Variants in MARCHF2 observed in about 807,000 individuals in gnomAD.
The protein encoded by MARCHF2 is membrane associated ring-CH-type finger 2, also known as E3 ubiquitin-protein ligase MARCHF2.
MARCHF2 carries 22 observed loss-of-function variants against 24.0 expected under a neutral mutation model. The ratio of observed to expected loss-of-function variants is 0.92; its 90% CI spans 0.66 to 1.31. MARCHF2 has a LOEUF of 1.31. Among genes scored for constraint, MARCHF2 ranks in the 50% most tolerant of loss-of-function variants. The pLI is 0.00. For synonymous variants in MARCHF2, 154 were observed against 153.0 expected (o/e 1.01, Z -0.05); for missense variants, 301 against 335.3 (o/e 0.90, Z 0.80).
At chr19:8,419,842 TAAAAATAAAAAATAA>T (rs1316507494) in intron 1 of MARCHF2, among the ~76,000 whole-genome samples, 2 of 133,884 alleles carry the variant, frequency 1.5e-5, no homozygotes, top group African/African-American at 5.8e-5. Flanking sequence ...AATAAATAAA[TAAAAATAAAAAATAA>T]AAATAAAAAT....
chr19:8,435,502 A>G (rs1967691755), intron 4 of MARCHF2, among the ~76,000 whole-genome samples: 1 of 151,958 alleles, frequency 6.6e-6, no homozygotes, highest in African/African-American at 2.4e-5. Context: ...AACCTTCATT[A>G]TCCCTTTAAA....
intron 2 of MARCHF2, 92 bp downstream of exon 2, chr19:8,422,108 C>T (rs1776715224): frequency 1.0e-5 from 14 of 1,393,958 alleles, no homozygotes; most frequent in South Asian, 5.8e-5. Flanking sequence ...GAAGTCCAAC[C>T]GTTGACAGAG....
At chr19:8,431,736 G>A (rs529592388) in intron 4 of MARCHF2, among the ~76,000 whole-genome samples, 2 of 152,124 alleles carry the variant, frequency 1.3e-5, no homozygotes, top group East Asian at 1.9e-4. Context: ...TACTCGGGAG[G>A]CTGAGGCAGG....
At chr19:8,421,766 C>T in intron 1 of MARCHF2, 23 bp from the exon 2 acceptor site, 1 of 1,420,332 alleles carries the variant, frequency 7.0e-7, no homozygotes, top group Non-Finnish European at 9.5e-7. Flanking sequence ...TTGCCCCTAA[C>T]CTCCGCACTG....
In MARCHF2 at chr19:8,415,741, AAAC is replaced by A. The variant is rs1208949494; in HGVS notation, c.-53+2324_-53+2326del. On this transcript the variant is annotated intron_variant, in intron 1 of 4. Transcript: ENST00000215555. The stretch of plus-strand genomic sequence containing the variant: ...CATCTCAAAAAAAAAAAAACAAAAA[AAAC>A]AAAAAAAAAAACCAGACAAAAGAAA... Among the ~76,000 whole-genome samples, 168 of 52,442 alleles carry A rather than the reference AAAC, an allele frequency of 3.2e-3. 14 individuals carry two copies. The highest frequency in any genetic ancestry group is 6.1e-3 in the South Asian group (8 of 1,304). 34.4% of individuals were successfully genotyped at this position (52,442 alleles called of 152,430 possible). A position where few individuals can be genotyped will look rare whatever the true frequency, so the allele number is the denominator to read the frequency against.
intron 4 of MARCHF2, among the ~76,000 whole-genome samples, chr19:8,434,678 G>A (rs757046852): frequency 6.6e-6 from 1 of 151,818 alleles, no homozygotes; most frequent in Non-Finnish European, 1.5e-5. Flanking sequence ...GAACTTGCTT[G>A]GTCAAAGGAT....
chr19:8,438,383 C>A lies in MARCHF2; in HGVS notation c.583-5C>A. 6.2e-7 allele frequency: 1 copy of A among 1,613,196 alleles called. No individual in the cohort carries two copies. The highest frequency in any genetic ancestry group is 1.1e-5 in the South Asian group (1 of 91,028). ...GCCTCCGCTCACTGCAGGGCTGCCC[C>A]ACAGGTCTCCTTCCGCTACCACTGC... On this transcript the variant is annotated splice_region_variant and splice_polypyrimidine_tract_variant and intron_variant, in intron 4 of 4. Transcript: ENST00000215555.
intron 4 of MARCHF2, 108 bp from the exon 5 acceptor site, chr19:8,438,280 G>T: frequency 8.8e-7 from 1 of 1,142,588 alleles, no homozygotes; most frequent in Non-Finnish European, 1.3e-6. Flanking sequence ...TCTGCTTCTG[G>T]AAGCATGAGC....
chr19:8,438,207 T>C (rs1012503970), intron 4 of MARCHF2, among the ~76,000 whole-genome samples, 181 bp from the exon 5 acceptor site: 1 of 152,052 alleles, frequency 6.6e-6, no homozygotes, highest in African/African-American at 2.4e-5. Flanking sequence ...CTGGTGGGTG[T>C]CACCAGGAGT....
In MARCHF2 at chr19:8,415,721, C is replaced by CAAAAAAAAAAAA. The variant is rs1309501077; in HGVS notation, c.-53+2303_-53+2314dup. On this transcript the variant is annotated intron_variant, in intron 1 of 4. Coordinates refer to ENST00000215555, the MANE Select transcript of MARCHF2 (RefSeq NM_001005415.2). ...GGGCAACAAGAGTGAAACTCCATCT[C>CAAAAAAAAAAAA]AAAAAAAAAAAAACAAAAAAAACAA... is the stretch of plus-strand genomic sequence containing the variant. Among the ~76,000 whole-genome samples the CAAAAAAAAAAAA allele has an allele frequency of 5.0e-3, 88 of 17,772 alleles. 6 individuals are homozygous for CAAAAAAAAAAAA. Among genetic ancestry groups the CAAAAAAAAAAAA allele is most frequent in the Non-Finnish European group, 8.1e-3 (71 of 8,796 alleles). The allele number at this position is 17,772 out of a possible 152,430, so 11.7% of individuals were successfully genotyped here.
intron 4 of MARCHF2, among the ~76,000 whole-genome samples, chr19:8,436,014 C>G (rs569598529): frequency 6.6e-6 from 1 of 152,180 alleles, no homozygotes; most frequent in Admixed American, 6.6e-5. Context: ...GTGTGCACCA[C>G]GCCTGGCTAA....
Position 8,430,796 on chromosome 19 carries a change from A to G in MARCHF2, c.511A>G (p.Ser171Gly). 1 of 1,611,092 alleles carries G rather than the reference A, an allele frequency of 6.2e-7. No homozygotes were observed. Among genetic ancestry groups the G allele is most frequent in the Non-Finnish European group, 8.5e-7 (1 of 1,180,004 alleles). Residue 171 changes from serine to glycine, a missense_variant, in exon 4 of 5, where the codon AGC becomes GGC. Ser to Gly is a moderately conservative substitution (Grantham distance 56, BLOSUM62 0). Coordinates refer to ENST00000215555, the MANE Select transcript of MARCHF2 (RefSeq NM_001005415.2). The surrounding 1 kb of genome is among the most constrained non-coding windows in gnomAD (Gnocchi z 4.4). The stretch of plus-strand genomic sequence containing the variant: ...GGCCCAGGACCACCTCCGGCTCCAC[A>G]GCCAGCTGGAGGCCGTGGGTCTCAT... The part of the protein sequence containing the change: ...RGAQDHLRLH[S>G]QLEAVGLIAL...
chr19:8,420,408 T>C (rs1002414490), intron 1 of MARCHF2, among the ~76,000 whole-genome samples: 3 of 139,344 alleles, frequency 2.2e-5, no homozygotes, highest in African/African-American at 8.1e-5. Flanking sequence ...TGGTGGTGCA[T>C]GCCTGTAGTC....
chr19:8,426,764 C>T lies in MARCHF2; in HGVS notation c.332C>T (p.Thr111Met), dbSNP rs371023238. 91 of 1,612,338 alleles carry T rather than the reference C, an allele frequency of 5.6e-5. No homozygotes were observed. The highest frequency in any genetic ancestry group is 2.5e-4 in the East Asian group (11 of 44,880). ...SNTSYCELCH[T>M]EFAVEKRPRP... ...ACCAGCTACTGCGAGCTGTGCCACA[C>T]GGAGTTTGCAGTGGAGAAACGGCCT... Residue 111 changes from threonine to methionine, a missense_variant, in exon 3 of 5, where the codon ACG (threonine) becomes ATG (methionine). Transcript: ENST00000215555.
intron 2 of MARCHF2, 78 bp from the exon 3 acceptor site, chr19:8,426,531 C>T: frequency 8.3e-7 from 1 of 1,211,818 alleles, no homozygotes; most frequent in Non-Finnish European, 1.2e-6. Context: ...TAAGGGTGAG[C>T]TTGTGATCCA....
chr19:8,435,779 T>G (rs1967700115), intron 4 of MARCHF2, among the ~76,000 whole-genome samples: 1 of 151,852 alleles, frequency 6.6e-6, no homozygotes, highest in Non-Finnish European at 1.5e-5. Context: ...GGCTCAAACC[T>G]TGGCTTCCCA....
intron 2 of MARCHF2, among the ~76,000 whole-genome samples, chr19:8,424,973 T>C (rs544812896): frequency 6.6e-6 from 1 of 152,258 alleles, no homozygotes; most frequent in Non-Finnish European, 1.5e-5. Flanking sequence ...AGTGGTACAA[T>C]TATGGGTCAT....
intron 1 of MARCHF2, among the ~76,000 whole-genome samples, chr19:8,414,114 T>C (rs888970712): frequency 6.6e-6 from 1 of 152,144 alleles, no homozygotes; most frequent in African/African-American, 2.4e-5. Context: ...AAAATATTAA[T>C]AGAGCTTTTA....
At position 8,438,482 on chromosome 19, in the gene MARCHF2, G is replaced by C; in HGVS notation, c.677G>C (p.Gly226Ala). The C allele has an allele frequency of 6.2e-7, 1 of 1,614,100 alleles. No homozygotes were observed. Among genetic ancestry groups the C allele is most frequent in the Non-Finnish European group, 8.5e-7 (1 of 1,180,020 alleles). ...ATCCGGGAGGCGGACAGCCCCGAGG[G>C]CCCCCAGCATTCTCCACTGGCAGCT... ...LKIREADSPE[G>A]PQHSPLAAGL... Residue 226 changes from glycine to alanine, a missense_variant, in exon 5 of 5, where the codon GGC becomes GCC. Transcript: ENST00000215555.
Sources: gnomAD v4.1 joint callset for allele counts (sites outside exome capture counted in the v4.1 genomes callset) on GRCh38, gnomAD v4.1.1 for gene constraint, Gnocchi (gnomAD v3.1) non-coding constraint, MANE v1.5 for transcripts, NCBI Gene and HGNC (gene_info 2026-07-23, HGNC 2026-07-21) for gene names.